RABGAP1: variants seen among roughly 807,000 people sequenced by gnomAD.
The protein encoded by RABGAP1 is RAB GTPase activating protein 1.
A neutral mutation model predicts 137.6 loss-of-function variants in RABGAP1; 23 were observed. The observed-to-expected ratio is 0.17, with a 90% CI of 0.12 to 0.24. The LOEUF (loss-of-function observed/expected upper bound fraction) is 0.24. RABGAP1 is among the 10% of genes least tolerant of loss of function. The probability of loss-of-function intolerance (pLI) is 1.00; values close to 1 mark genes in which losing one functional copy is unlikely to be tolerated. For missense variants in RABGAP1, 906 were observed against 1,275.8 expected (o/e 0.71, Z 4.42); for synonymous variants, 451 against 450.7 (o/e 1.00, Z -0.01).
At chr9:122,973,007 T>G (rs1206987616) in intron 2 of RABGAP1, among the ~76,000 whole-genome samples, 1 of 151,216 alleles carries the variant, frequency 6.6e-6, no homozygotes, top group Non-Finnish European at 1.5e-5. Context: ...GAGGTATATT[T>G]CTTTTTTTTT....
intron 24 of RABGAP1, among the ~76,000 whole-genome samples, chr9:123,101,192 A>G (rs2035334628): frequency 6.6e-6 from 1 of 152,226 alleles, no homozygotes. Context: ...ACTTCCTTGT[A>G]TAAATATAGC....
At chr9:123,008,331 A>C (rs1343003761) in intron 10 of RABGAP1, among the ~76,000 whole-genome samples, 1 of 151,954 alleles carries the variant, frequency 6.6e-6, no homozygotes, top group Non-Finnish European at 1.5e-5. Flanking sequence ...AGGCCAAGGC[A>C]GGTAAATCGT....
chr9:123,006,698 C>G (rs1160013918), intron 10 of RABGAP1, among the ~76,000 whole-genome samples: 1 of 152,164 alleles, frequency 6.6e-6, no homozygotes, highest in African/African-American at 2.4e-5. Flanking sequence ...GCCTCCACCT[C>G]CCTGGTTCAA....
chr9:123,035,474 T>C (rs756881661), intron 13 of RABGAP1: 21 of 1,614,110 alleles, frequency 1.3e-5, no homozygotes, highest in Middle Eastern at 3.3e-4. Context: ...AACTGTGTAA[T>C]TTATAGTCTC....
chr9:123,045,730 C>T (rs1334835252), intron 13 of RABGAP1, among the ~76,000 whole-genome samples: 1 of 152,096 alleles, frequency 6.6e-6, no homozygotes, highest in Non-Finnish European at 1.5e-5. Flanking sequence ...ACTCTTGGAT[C>T]ATTTTTTTCC....
intron 14 of RABGAP1, among the ~76,000 whole-genome samples, chr9:123,069,869 G>A (rs2132136230): frequency 6.6e-6 from 1 of 152,212 alleles, no homozygotes; most frequent in East Asian, 1.9e-4. Flanking sequence ...GAGCAACAGA[G>A]CAAGACCCTG....
chr9:123,025,203 A>G (rs1182927587), intron 13 of RABGAP1, among the ~76,000 whole-genome samples: 6 of 152,174 alleles, frequency 3.9e-5, no homozygotes, highest in Non-Finnish European at 5.9e-5. Context: ...CATATTTTAA[A>G]TTCTCATATA....
At chr9:123,029,210 A>C (rs2032159385) in intron 13 of RABGAP1, among the ~76,000 whole-genome samples, 1 of 152,242 alleles carries the variant, frequency 6.6e-6, no homozygotes, top group Non-Finnish European at 1.5e-5. Context: ...GGGAGGAATA[A>C]AAGATGAGTC....
intron 1 of RABGAP1, among the ~76,000 whole-genome samples, chr9:122,953,915 G>T (rs1410967335): frequency 6.6e-6 from 1 of 152,054 alleles, no homozygotes; most frequent in African/African-American, 2.4e-5. Flanking sequence ...AGGTGCTAGG[G>T]GTCCAACACT....
chr9:122,933,127 C>T, the RABGAP1 span, among the ~76,000 whole-genome samples: 9 of 152,212 alleles, frequency 5.9e-5, no homozygotes, highest in African/African-American at 1.9e-4. Context: ...TCTATTTCCT[C>T]ACTTATCTTC....
chr9:123,029,950 T>A (rs1389871352), intron 13 of RABGAP1, among the ~76,000 whole-genome samples: 1 of 152,252 alleles, frequency 6.6e-6, no homozygotes, highest in Non-Finnish European at 1.5e-5. Flanking sequence ...AAAAGAAATA[T>A]AATTTGAACA....
rs773742622 is a variant in RABGAP1, at chr9:122,996,142, C to A, written c.1025C>A (p.Ala342Asp). The A allele has an allele frequency of 6.2e-7, 1 of 1,603,256 alleles. No individual in the cohort carries two copies. The highest frequency in any genetic ancestry group is 8.5e-7 in the Non-Finnish European group (1 of 1,177,374). The change falls in exon 7 of 26, where the codon GCC (alanine) becomes GAC (aspartate). Residue 342 changes from alanine to aspartate, a missense_variant. This residue lies in a region of RABGAP1 where 17 missense variants were observed against 57.4 expected (regional missense o/e 0.30). Transcript: ENST00000373647. ...CAGCAAACAACTAATAAAGAACTTG[C>A]CATTGAAAGGTAAGCATTTTTAGTA... ...YVQQTTNKEL[A>D]IERCFGLLLS...
chr9:122,938,657 A>ATCTATTGTAGATACAATAAATGTTG (rs1564341788), upstream of RABGAP1: 3 of 152,192 alleles, frequency 2.0e-5, no homozygotes. Context: ...AATAAATGTT[A>ATCTATTGTAGATACAATAAATGTTG]TATCTATTGT....
At chr9:123,066,456 C>T (rs768221299) in intron 14 of RABGAP1, among the ~76,000 whole-genome samples, 2 of 152,234 alleles carry the variant, frequency 1.3e-5, no homozygotes, top group Non-Finnish European at 2.9e-5. Flanking sequence ...ATACTTTTGA[C>T]TCCACTATAT....
intron 13 of RABGAP1, chr9:123,034,781 C>T (rs1362381840): frequency 6.2e-7 from 1 of 1,613,406 alleles, no homozygotes; most frequent in Non-Finnish European, 8.5e-7. Flanking sequence ...CAGACTATGG[C>T]ATATGCTGAC....
chr9:123,068,381 C>T (rs981716099), intron 14 of RABGAP1, among the ~76,000 whole-genome samples: 1 of 150,602 alleles, frequency 6.6e-6, no homozygotes, highest in African/African-American at 2.4e-5. Context: ...AAATCCATAT[C>T]TAGACATTGG....
At chr9:123,046,704 G>A (rs1442086405) in intron 13 of RABGAP1, among the ~76,000 whole-genome samples, 1 of 152,166 alleles carries the variant, frequency 6.6e-6, no homozygotes, top group African/African-American at 2.4e-5. Context: ...AGGGTAGTAT[G>A]GATGAAGCAG....
intron 21 of RABGAP1, 100 bp from the exon 22 acceptor site, chr9:123,097,641 A>G (rs1015435586): frequency 5.1e-6 from 5 of 987,726 alleles, no homozygotes; most frequent in Non-Finnish European, 7.6e-6. Flanking sequence ...TCTCTGAATC[A>G]GAGTTTCCCC....
chr9:123,039,720 G>T (rs1434347806), intron 13 of RABGAP1, among the ~76,000 whole-genome samples: 1 of 152,148 alleles, frequency 6.6e-6, no homozygotes, highest in Non-Finnish European at 1.5e-5. Context: ...TCACAGAATG[G>T]ATTAGGAAAT....
Sources: gnomAD v4.1 joint callset for allele counts (sites outside exome capture counted in the v4.1 genomes callset) on GRCh38, gnomAD v4.1.1 for gene constraint, gnomAD v4.1.1 regional missense constraint, MANE v1.5 for transcripts, NCBI Gene and HGNC (gene_info 2026-07-23, HGNC 2026-07-21) for gene names.